PTK2B: variants seen among roughly 807,000 people sequenced by gnomAD.
PTK2B encodes protein-tyrosine kinase 2-beta.
A neutral mutation model predicts 142.9 loss-of-function variants in PTK2B; 71 were observed. The observed-to-expected ratio is 0.50, with a 90% CI of 0.41 to 0.61. The LOEUF is 0.61. PTK2B is among the 20% of genes least tolerant of loss of function. The pLI is 0.00. For synonymous variants in PTK2B, 519 were observed against 503.4 expected (o/e 1.03, Z -0.42); for missense variants, 1,105 against 1,320.4 (o/e 0.84, Z 2.53).
Position 27,436,293 on chromosome 8 carries a change from G to T in PTK2B, c.1286G>T (p.Arg429Leu). 1 of 1,614,184 alleles carries T rather than the reference G, an allele frequency of 6.2e-7. No individual in the cohort carries two copies. Among genetic ancestry groups the T allele is most frequent in the Non-Finnish European group, 8.5e-7 (1 of 1,180,002 alleles). Reference sequence around the variant, plus strand: ...GCCCGTGAAGATGTGGTCCTGAATCGTATTCTTGGGGAAGGCTTTTTTGGG... The same window carrying T: ...GCCCGTGAAGATGTGGTCCTGAATCTTATTCTTGGGGAAGGCTTTTTTGGG... ...GIAREDVVLN[R>L]ILGEGFFGEV... Residue 429 changes from arginine (R) to leucine (L), a missense_variant, in exon 15 of 31, where the codon CGT becomes CTT. By Grantham distance (102) the Arg-to-Leu change is moderately radical. Coordinates refer to ENST00000346049, the MANE Select transcript of PTK2B (RefSeq NM_173176.3).
intron 1 of PTK2B, among the ~76,000 whole-genome samples, chr8:27,353,960 A>G (rs1805252178): frequency 6.6e-6 from 1 of 152,118 alleles, no homozygotes; most frequent in African/African-American, 2.4e-5. Flanking sequence ...TCACATACCC[A>G]AATTAAGGGA....
intron 20 of PTK2B, 64 bp from the exon 21 acceptor site, chr8:27,440,173 G>A (rs1040525530): frequency 6.6e-7 from 1 of 1,516,638 alleles, no homozygotes; most frequent in African/African-American, 1.4e-5. Context: ...TAATGGCGAT[G>A]GTGCTTCTGG....
At chr8:27,439,772 C>T (rs1811040984) in intron 20 of PTK2B, among the ~76,000 whole-genome samples, 4 of 152,180 alleles carry the variant, frequency 2.6e-5, no homozygotes, top group Admixed American at 2.6e-4. Flanking sequence ...CTCCTGCAAA[C>T]CATCTCACTT....
chr8:27,411,832 A>G (rs775355218), intron 2 of PTK2B, among the ~76,000 whole-genome samples: 18 of 152,090 alleles, frequency 1.2e-4, no homozygotes, highest in Non-Finnish European at 2.2e-4. Context: ...TTACACCCCA[A>G]TTGCAAGCTC....
intron 3 of PTK2B, among the ~76,000 whole-genome samples, chr8:27,315,984 A>G (rs1243861280): frequency 6.6e-6 from 1 of 152,208 alleles, no homozygotes; most frequent in Non-Finnish European, 1.5e-5. Flanking sequence ...GAGACCAGGA[A>G]AGAGAAATCT....
chr8:27,311,306 C>G, upstream of PTK2B: 2 of 1,435,860 alleles, frequency 1.4e-6, no homozygotes, highest in Non-Finnish European at 1.8e-6. Context: ...CTGCCAACGC[C>G]CGCGACCCGA....
chr8:27,358,759 G>A (rs1019220409), intron 1 of PTK2B, among the ~76,000 whole-genome samples: 2 of 151,782 alleles, frequency 1.3e-5, no homozygotes, highest in South Asian at 4.2e-4. Context: ...TTGATTATGT[G>A]TTTATTATTT....
At chr8:27,320,426 C>T (rs539723458) in intron 3 of PTK2B, among the ~76,000 whole-genome samples, 2 of 152,158 alleles carry the variant, frequency 1.3e-5, no homozygotes, top group Non-Finnish European at 2.9e-5. Context: ...CCCAACTCCC[C>T]ACCCTGCCAC....
chr8:27,430,247 G>C, intron 6 of PTK2B, 92 bp downstream of exon 6: 1 of 1,578,426 alleles, frequency 6.3e-7, no homozygotes. Context: ...CCCCAGACCA[G>C]AGCCACATAG....
intron 1 of PTK2B, among the ~76,000 whole-genome samples, chr8:27,334,135 T>A (rs1803919979): frequency 6.6e-6 from 1 of 152,076 alleles, no homozygotes; most frequent in Non-Finnish European, 1.5e-5. Context: ...CTTTCATTCC[T>A]TCCTTCCCGT....
intron 24 of PTK2B, 109 bp from the exon 25 acceptor site, chr8:27,450,640 G>A: frequency 2.2e-6 from 3 of 1,371,564 alleles, no homozygotes; most frequent in East Asian, 2.5e-5. Flanking sequence ...AAAGCAGCTG[G>A]CCAGGCCAAG....
At chr8:27,422,732 G>A (rs1288879558) in intron 5 of PTK2B, among the ~76,000 whole-genome samples, 3 of 152,170 alleles carry the variant, frequency 2.0e-5, no homozygotes, top group Non-Finnish European at 2.9e-5. Context: ...GGGGACATTC[G>A]AGCCTAGAGA....
chr8:27,440,406 C>T lies in PTK2B; in HGVS notation c.2004C>T (p.Asp668=), dbSNP rs1318952452. ...GCTGCTGGGACTACGACCCCAGTGA[C>T]CGGCCCCGCTTCACCGAGCTGGTGT... The part of the protein sequence containing the change: ...MTRCWDYDPS[D]RPRFTELVCS... The change falls in exon 21 of 31, where the codon GAC becomes GAT. Residue 668 remains aspartate (D), a synonymous_variant. Transcript: ENST00000346049. 1 of 1,614,130 alleles carries T rather than the reference C, an allele frequency of 6.2e-7. No homozygotes were observed. Among genetic ancestry groups the T allele is most frequent in the East Asian group, 2.2e-5 (1 of 44,874 alleles).
At chr8:27,329,574 T>C (rs1055645732) in intron 1 of PTK2B, among the ~76,000 whole-genome samples, 13 of 152,044 alleles carry the variant, frequency 8.6e-5, no homozygotes, top group Non-Finnish European at 1.6e-4. Context: ...AATGGCCACA[T>C]TGGGGGATGG....
intron 14 of PTK2B, 29 bp downstream of exon 14, chr8:27,435,822 G>A (rs546371431): frequency 2.6e-5 from 41 of 1,607,324 alleles, no homozygotes; most frequent in East Asian, 1.6e-4. Flanking sequence ...CACAGCGACC[G>A]TAGTCAAGGC....
intron 2 of PTK2B, among the ~76,000 whole-genome samples, chr8:27,408,485 T>G (rs529918915): frequency 4.6e-5 from 7 of 152,368 alleles, no homozygotes; most frequent in African/African-American, 1.4e-4. Context: ...TTGCTAAACC[T>G]AAGCATAAAA....
intron 23 of PTK2B, among the ~76,000 whole-genome samples, chr8:27,445,104 A>G (rs899434486): frequency 6.6e-6 from 1 of 152,322 alleles, no homozygotes; most frequent in Non-Finnish European, 1.5e-5. Context: ...GTAGGGTGGA[A>G]CACACCTGTA....
At chr8:27,359,542 GA>G (rs1266446889) in intron 1 of PTK2B, among the ~76,000 whole-genome samples, 2 of 152,186 alleles carry the variant, frequency 1.3e-5, no homozygotes, top group Non-Finnish European at 2.9e-5. Context: ...TCGTCACTGT[GA>G]ATTGGGGCAG....
chr8:27,343,867 G>C (rs2130193492), intron 1 of PTK2B, among the ~76,000 whole-genome samples: 1 of 152,172 alleles, frequency 6.6e-6, no homozygotes, highest in South Asian at 2.1e-4. Context: ...GCCAGGTGTG[G>C]TGGTGGGCGC....
Sources: gnomAD v4.1 joint callset for allele counts (sites outside exome capture counted in the v4.1 genomes callset) on GRCh38, gnomAD v4.1.1 for gene constraint, MANE v1.5 for transcripts, NCBI Gene and HGNC (gene_info 2026-07-23, HGNC 2026-07-21) for gene names.